Variants in E2F5 observed in about 807,000 individuals in gnomAD.
E2F5 encodes transcription factor E2F5.
In E2F5, 23 loss-of-function variants were observed where a neutral mutation model predicts 39.1. The observed-to-expected ratio is 0.59, with a 90% CI of 0.42 to 0.83. The LOEUF (loss-of-function observed/expected upper bound fraction) is 0.83. Ranked by LOEUF, E2F5 falls within the 40% of genes least tolerant of loss-of-function variation. The probability of loss-of-function intolerance (pLI) is 0.00; values close to 1 mark genes in which losing one functional copy is unlikely to be tolerated. For synonymous variants in E2F5, 145 were observed against 157.8 expected (o/e 0.92, Z 0.61); for missense variants, 365 against 406.7 (o/e 0.90, Z 0.88).
At chr8:85,202,303 G>C in intron 2 of E2F5, 47 bp downstream of exon 2, 1 of 1,368,072 alleles carries the variant, frequency 7.3e-7, no homozygotes, top group South Asian at 1.3e-5. Context: ...TTTCTTCTCA[G>C]TGCTCTGTAA....
intron 1 of E2F5, among the ~76,000 whole-genome samples, chr8:85,186,055 C>T (rs1489641383): frequency 6.6e-6 from 1 of 152,136 alleles, no homozygotes; most frequent in Non-Finnish European, 1.5e-5. Flanking sequence ...AAGACACATG[C>T]ACACGTATGT....
intron 5 of E2F5, among the ~76,000 whole-genome samples, chr8:85,208,688 A>G (rs1812849359): frequency 6.6e-6 from 1 of 152,158 alleles, no homozygotes; most frequent in African/African-American, 2.4e-5. Flanking sequence ...GAAGAATGTT[A>G]TATTTATTTC....
At chr8:85,212,840 C>G (rs1406066260) in intron 7 of E2F5, 1 of 149,740 alleles carries the variant, frequency 6.7e-6, no homozygotes, top group Non-Finnish European at 1.5e-5. Flanking sequence ...AAGTCCAGTT[C>G]ATTCTTCTGT....
chr8:85,178,820 G>T (rs964123983), intron 1 of E2F5, among the ~76,000 whole-genome samples: 4 of 152,246 alleles, frequency 2.6e-5, no homozygotes, highest in African/African-American at 9.6e-5. Context: ...CCAAGGGGAA[G>T]TAGATCTTTT....
chr8:85,206,113 A>G, intron 3 of E2F5, 64 bp from the exon 4 acceptor site: 1 of 1,485,832 alleles, frequency 6.7e-7, no homozygotes, highest in South Asian at 1.1e-5. Flanking sequence ...CTTCAGATGT[A>G]TTACCTTAAT....
chr8:85,188,529 G>A (rs988296255), intron 1 of E2F5, among the ~76,000 whole-genome samples: 1 of 152,272 alleles, frequency 6.6e-6, no homozygotes, highest in South Asian at 2.1e-4. Context: ...GAAGCTTTTG[G>A]CAGATGTGGC....
chr8:85,213,521 CG>C (rs1401391993), intron 7 of E2F5: 1 of 196,750 alleles, frequency 5.1e-6, no homozygotes, highest in African/African-American at 3.7e-5. Flanking sequence ...CCAGCCTGGA[CG>C]AAACAGGGAG....
intron 1 of E2F5, among the ~76,000 whole-genome samples, chr8:85,185,477 G>C (rs1211304013): frequency 6.6e-6 from 1 of 152,034 alleles, no homozygotes; most frequent in African/African-American, 2.4e-5. Context: ...TCTAAAACAC[G>C]AAAAGCAATG....
rs4150842 is a variant in E2F5, at chr8:85,177,663, C to T, written c.234+9C>T. The T allele has an allele frequency of 1.6e-3, 2,065 of 1,282,768 alleles. 28 individuals are homozygous for T. In the African/African-American group the frequency reaches 0.028, roughly 17 times the overall value. 79.5% of individuals were successfully genotyped at this position (1,282,768 alleles called of 1,614,324 possible). A position where few individuals can be genotyped will look rare whatever the true frequency, so the allele number is the denominator to read the frequency against. On this transcript the variant is annotated intron_variant, in intron 1 of 7. Coordinates refer to ENST00000416274, the MANE Select transcript of E2F5 (RefSeq NM_001951.4). ...TTCTGGATCTCAAAGCGGTGAGCTCCGGAGGCGGGGACGGGGGCGGACTTC... is the reference window on the plus strand; with the variant it reads ...TTCTGGATCTCAAAGCGGTGAGCTCTGGAGGCGGGGACGGGGGCGGACTTC...
chr8:85,184,270 A>C (rs977924942), intron 1 of E2F5, among the ~76,000 whole-genome samples: 3 of 152,220 alleles, frequency 2.0e-5, no homozygotes, highest in Non-Finnish European at 2.9e-5. Context: ...ACAAAAACCC[A>C]TGATTATCTC....
chr8:85,207,695 G>T (rs1248668554), intron 5 of E2F5, among the ~76,000 whole-genome samples: 2 of 151,812 alleles, frequency 1.3e-5, no homozygotes, highest in African/African-American at 4.8e-5. Flanking sequence ...TGATTTTAAA[G>T]ATTATTGGCT....
intron 1 of E2F5, among the ~76,000 whole-genome samples, chr8:85,182,688 T>A (rs1347836309): frequency 6.6e-6 from 1 of 152,176 alleles, no homozygotes; most frequent in Non-Finnish European, 1.5e-5. Flanking sequence ...GTCATGACTA[T>A]GTATCTGTAT....
At chr8:85,204,511 G>A (rs1217466285) in intron 3 of E2F5, among the ~76,000 whole-genome samples, 1 of 132,764 alleles carries the variant, frequency 7.5e-6, no homozygotes, top group Non-Finnish European at 1.6e-5. Context: ...ATGGACACAG[G>A]AAGGGGAACA....
Position 85,177,621 on chromosome 8 carries a change from G to T in E2F5, c.201G>T (p.Gln67His). The change falls in exon 1 of 8, where the codon CAG becomes CAT. Residue 67 changes from glutamine (Q) to histidine (H), a missense_variant. Coordinates refer to ENST00000416274, the MANE Select transcript of E2F5 (RefSeq NM_001951.4). ...CTACCAAGTTCGTGTCGCTGCTGCA[G>T]GAGGCCAAGGACGGCGTTCTGGATC... is the stretch of plus-strand genomic sequence containing the variant. ...LLTTKFVSLL[Q>H]EAKDGVLDLK... The T allele has an allele frequency of 7.7e-7, 1 of 1,297,812 alleles. No homozygotes were observed. The allele number at this position is 1,297,812 out of a possible 1,614,324, so 80.4% of individuals were successfully genotyped here. A position where few individuals can be genotyped will look rare whatever the true frequency, so the allele number is the denominator to read the frequency against.
chr8:85,193,927 C>T (rs1429170170), intron 1 of E2F5, among the ~76,000 whole-genome samples: 2 of 152,076 alleles, frequency 1.3e-5, no homozygotes, highest in Non-Finnish European at 2.9e-5. Context: ...GCTATGAATT[C>T]ATGTATAAGC....
chr8:85,195,756 A>G (rs146492100), intron 1 of E2F5, among the ~76,000 whole-genome samples: 93 of 152,256 alleles, frequency 6.1e-4, no homozygotes, highest in African/African-American at 2.1e-3. Context: ...CAGCCTCTCA[A>G]AGTGCTAGGA....
rs962418008 is a variant in E2F5, at chr8:85,177,411, C to G, written c.-10C>G. ...GCGCGGGGGCCCGACCACCGCGGGGCCGGGACGCGATGGCGGCGGCAGAGC... is the reference window on the plus strand; with the variant it reads ...GCGCGGGGGCCCGACCACCGCGGGGGCGGGACGCGATGGCGGCGGCAGAGC... On this transcript the variant is annotated 5_prime_UTR_variant, in exon 1 of 8. Coordinates refer to ENST00000416274, the MANE Select transcript of E2F5 (RefSeq NM_001951.4). The G allele has an allele frequency of 3.0e-6, 3 of 987,722 alleles. No homozygotes were observed. Among genetic ancestry groups the G allele is most frequent in the African/African-American group, 1.8e-5 (1 of 56,928 alleles). The allele number at this position is 987,722 out of a possible 1,614,324, so 61.2% of individuals were successfully genotyped here.
intron 1 of E2F5, among the ~76,000 whole-genome samples, chr8:85,198,016 A>G (rs1812616888): frequency 1.3e-5 from 2 of 152,186 alleles, no homozygotes; most frequent in Admixed American, 6.5e-5. Context: ...CCTCTCAACC[A>G]TTAATAGCTC....
intron 3 of E2F5, 86 bp downstream of exon 3, chr8:85,203,341 G>T: frequency 8.7e-7 from 1 of 1,150,144 alleles, no homozygotes; most frequent in South Asian, 3.2e-5. Flanking sequence ...CATTCACTTT[G>T]TTTTTAGACA....
Sources: gnomAD v4.1 joint callset for allele counts (sites outside exome capture counted in the v4.1 genomes callset) on GRCh38, gnomAD v4.1.1 for gene constraint, MANE v1.5 for transcripts, NCBI Gene and HGNC (gene_info 2026-07-23, HGNC 2026-07-21) for gene names.